Variants in CCDC171 observed in about 807,000 individuals in gnomAD.
The protein encoded by CCDC171 is coiled-coil domain containing 171.
A neutral mutation model predicts 168.2 loss-of-function variants in CCDC171; 177 were observed. That is an observed-to-expected ratio of 1.05 (90% CI 0.93 to 1.19). The LOEUF (loss-of-function observed/expected upper bound fraction) is 1.19. CCDC171 is among the 50% of genes most tolerant of loss of function. The probability of loss-of-function intolerance (pLI) is 0.00; values close to 1 mark genes in which losing one functional copy is unlikely to be tolerated. For missense variants in CCDC171, 1,991 were observed against 1,539.0 expected (o/e 1.29, Z -4.91); for synonymous variants, 687 against 540.8 (o/e 1.27, Z -3.75).
chr9:15,971,623 C>T lies in CCDC171; in HGVS notation c.3768C>T (p.Asp1256=). 6.2e-7 allele frequency: 1 copy of T among 1,612,152 alleles called. No individual in the cohort carries two copies. Among genetic ancestry groups the T allele is most frequent in the Non-Finnish European group, 8.5e-7 (1 of 1,178,810 alleles). The change falls in exon 26 of 26, where the codon GAC becomes GAT. Residue 1256 remains aspartate (D), a synonymous_variant. Transcript: ENST00000380701. ...GTATGTCACAGATAGGATCACGAGACCATTCAAATCTCTCCATTCCTTCAA... is the reference window on the plus strand; with the variant it reads ...GTATGTCACAGATAGGATCACGAGATCATTCAAATCTCTCCATTCCTTCAA... The part of the protein sequence containing the change: ...NASLQSIGSR[D]HSNLSIPSRA...
chr9:15,867,993 A>G (rs1488798852), intron 23 of CCDC171, among the ~76,000 whole-genome samples: 1 of 152,032 alleles, frequency 6.6e-6, no homozygotes, highest in Non-Finnish European at 1.5e-5. Context: ...TTCCAGCTTG[A>G]TAATTTGATT....
chr9:15,595,159 T>A (rs539656982), intron 6 of CCDC171, among the ~76,000 whole-genome samples: 22 of 152,142 alleles, frequency 1.4e-4, no homozygotes, highest in East Asian at 3.9e-4. Context: ...TTTTTTTTTT[T>A]AATTATACTT....
chr9:15,748,643 C>T (rs1225020239), intron 18 of CCDC171, among the ~76,000 whole-genome samples: 2 of 152,162 alleles, frequency 1.3e-5, no homozygotes, highest in South Asian at 2.1e-4. Context: ...AACCCTACAG[C>T]CAGAAGAGAG....
At chr9:16,060,690 C>T (rs1463352338) in exon 2 of CCDC171, 4 of 152,182 alleles carry the variant, frequency 2.6e-5, no homozygotes, top group Non-Finnish European at 5.9e-5. Flanking sequence ...ACCCACTAAC[C>T]ATGCCAACAG....
At chr9:15,824,826 A>G (rs984210875) in intron 21 of CCDC171, among the ~76,000 whole-genome samples, 5 of 152,084 alleles carry the variant, frequency 3.3e-5, no homozygotes, top group Non-Finnish European at 7.4e-5. Flanking sequence ...CTGGTGGTCA[A>G]GTAGTTGCCT....
At chr9:16,103,232 G>T in the CCDC171 span, among the ~76,000 whole-genome samples, 1 of 152,198 alleles carries the variant, frequency 6.6e-6, no homozygotes, top group Non-Finnish European at 1.5e-5. Context: ...GGATTTGCAT[G>T]CTGGCAGGGT....
chr9:15,783,259 G>C (rs533398294), intron 20 of CCDC171, among the ~76,000 whole-genome samples: 12 of 152,106 alleles, frequency 7.9e-5, no homozygotes, highest in Non-Finnish European at 1.3e-4. Context: ...GCTTGCTGTT[G>C]TTGGCCCACG....
In CCDC171 at chr9:15,613,999, G is replaced by T. The variant is rs79703555; in HGVS notation, c.676-9268G>T. Among the ~76,000 whole-genome samples the T allele has an allele frequency of 5.2e-3, 786 of 152,304 alleles. 6 individuals carry two copies. Among genetic ancestry groups the T allele is most frequent in the African/African-American group, 0.018 (769 of 41,582 alleles). ...TGGACAGAAGATTTTCTTAAATGCC[G>T]TGAACAAATAAGTCTTCTAGCCTTT... On this transcript the variant is annotated intron_variant, in intron 6 of 25. Transcript: ENST00000380701.
chr9:15,869,240 ATCTG>A (rs2061923861), intron 23 of CCDC171, among the ~76,000 whole-genome samples: 2 of 151,948 alleles, frequency 1.3e-5, no homozygotes, highest in Admixed American at 6.6e-5. Flanking sequence ...TAGTATTATT[ATCTG>A]TCTGTCCATT....
chr9:15,811,198 C>T lies in CCDC171; in HGVS notation c.3267+26504C>T, dbSNP rs529851345. Among the ~76,000 whole-genome samples the T allele has an allele frequency of 6.6e-5, 10 of 152,226 alleles. No individual in the cohort carries two copies. In the South Asian group the frequency reaches 2.1e-3, roughly 32 times the overall value. On this transcript the variant is annotated intron_variant, in intron 21 of 25. Coordinates refer to ENST00000380701, the MANE Select transcript of CCDC171 (RefSeq NM_173550.4). Reference sequence around the variant, plus strand: ...TTTTGGAACCAGAGGGCTTGAAAAGCCAGATCTTTCTTTTGCTGATATTGA... The same window carrying T: ...TTTTGGAACCAGAGGGCTTGAAAAGTCAGATCTTTCTTTTGCTGATATTGA...
At chr9:16,059,681 A>AT (rs1226189720) in intron 1 of CCDC171, among the ~76,000 whole-genome samples, 4 of 147,144 alleles carry the variant, frequency 2.7e-5, no homozygotes, top group South Asian at 2.2e-4. Flanking sequence ...CGCCCGGCTA[A>AT]TTTTTTGTAT....
At chr9:15,914,016 G>A (rs758909863) in intron 24 of CCDC171, among the ~76,000 whole-genome samples, 1 of 152,184 alleles carries the variant, frequency 6.6e-6, no homozygotes, top group Non-Finnish European at 1.5e-5. Context: ...TCCTCTGGAA[G>A]CTTCGTCCCA....
Position 15,784,560 on chromosome 9 carries a change from G to A in CCDC171, c.3133G>A (p.Ala1045Thr), listed in dbSNP as rs145385823. The change falls in exon 21 of 26, where the codon GCA (alanine) becomes ACA (threonine). Residue 1045 changes from alanine (A) to threonine (T), a missense_variant. Coordinates refer to ENST00000380701, the MANE Select transcript of CCDC171 (RefSeq NM_173550.4). ...AAGTGCATGTGAAGAACTAAATAAT[G>A]CATTACTTCGGGAAGAGCAGGCACA... ...FESACEELNN[A>T]LLREEQAQML... 9 of 1,613,204 alleles carry A rather than the reference G, an allele frequency of 5.6e-6. No individual in the cohort carries two copies. The highest frequency in any genetic ancestry group is 7.6e-6 in the Non-Finnish European group (9 of 1,179,522).
chr9:15,611,622 C>T (rs2043702727), intron 6 of CCDC171, among the ~76,000 whole-genome samples: 1 of 152,106 alleles, frequency 6.6e-6, no homozygotes, highest in Non-Finnish European at 1.5e-5. Flanking sequence ...AGGTGTCTTA[C>T]CCCAACCCCC....
At chr9:16,094,325 G>A in the CCDC171 span, among the ~76,000 whole-genome samples, 3 of 152,198 alleles carry the variant, frequency 2.0e-5, no homozygotes, top group Non-Finnish European at 1.5e-5. Context: ...AATAAAGAGT[G>A]GTGAGCTGGT....
At chr9:15,823,614 A>G (rs1035101078) in intron 21 of CCDC171, among the ~76,000 whole-genome samples, 1 of 152,124 alleles carries the variant, frequency 6.6e-6, no homozygotes, top group Non-Finnish European at 1.5e-5. Flanking sequence ...ATTGCAAAGA[A>G]CTTGACAATA....
In CCDC171 at chr9:15,746,593, G is replaced by C. The variant is rs1459288717; in HGVS notation, c.2671+962G>C. ...ACATTCTTGAAAGAGCTTAGAAATA[G>C]TTTTTAGATTTGGTTTAAGAAACAG... On this transcript the variant is annotated intron_variant, in intron 18 of 25. Transcript: ENST00000380701. Among the ~76,000 whole-genome samples, 3 of 152,206 alleles carry C rather than the reference G, an allele frequency of 2.0e-5. No homozygotes were observed. In the East Asian group the frequency reaches 5.8e-4, roughly 29 times the overall value.
At chr9:15,999,237 T>A (rs1367732042) in intron 3 of CCDC171, among the ~76,000 whole-genome samples, 196 of 83,040 alleles carry the variant, frequency 2.4e-3, no homozygotes, top group Middle Eastern at 7.6e-3. Flanking sequence ...GGAAGAAAGA[T>A]AGAAAGAAAA....
chr9:15,866,827 C>T (rs1225747093), intron 23 of CCDC171, among the ~76,000 whole-genome samples: 1 of 151,982 alleles, frequency 6.6e-6, no homozygotes, highest in Non-Finnish European at 1.5e-5. Context: ...GGAATTCTGT[C>T]TCCTTAATTT....
Sources: gnomAD v4.1 joint callset for allele counts (sites outside exome capture counted in the v4.1 genomes callset) on GRCh38, gnomAD v4.1.1 for gene constraint, MANE v1.5 for transcripts, NCBI Gene and HGNC (gene_info 2026-07-23, HGNC 2026-07-21) for gene names.